CREB5: variants seen among roughly 807,000 people sequenced by gnomAD.
CREB5 encodes cyclic AMP-responsive element-binding protein 5.
In CREB5, 19 loss-of-function variants were observed where a neutral mutation model predicts 57.1. That is an observed-to-expected ratio of 0.33 (90% CI 0.23 to 0.49). The LOEUF is 0.49. CREB5 is among the 20% of genes least tolerant of loss of function. The probability of loss-of-function intolerance (pLI) is 0.99; values close to 1 mark genes in which losing one functional copy is unlikely to be tolerated. For missense variants in CREB5, 579 were observed against 671.6 expected, an observed-to-expected ratio of 0.86 and a Z score of 1.52; for synonymous variants, 238 against 238.3, an observed-to-expected ratio of 1.00 and a Z score of 0.01.
chr7:28,469,080 G>A (rs1291522086), intron 1 of CREB5, among the ~76,000 whole-genome samples: 2 of 152,158 alleles, frequency 1.3e-5, no homozygotes, highest in East Asian at 1.9e-4. Context: ...GTAGGGCCAG[G>A]CCTGCTGGCA....
At chr7:28,611,185 C>G (rs1331419835) in intron 5 of CREB5, among the ~76,000 whole-genome samples, 2 of 152,046 alleles carry the variant, frequency 1.3e-5, no homozygotes, top group Non-Finnish European at 2.9e-5. Context: ...AGTGAGGCAA[C>G]AGGTCTCCCC....
chr7:28,664,789 TG>T (rs1456804915), intron 5 of CREB5, among the ~76,000 whole-genome samples: 1 of 152,052 alleles, frequency 6.6e-6, no homozygotes, highest in African/African-American at 2.4e-5. Context: ...AGCCCTTTCA[TG>T]TGGAGAAGGG....
chr7:28,574,902 G>A (rs1349700451), intron 5 of CREB5, among the ~76,000 whole-genome samples: 1 of 152,082 alleles, frequency 6.6e-6, no homozygotes, highest in Non-Finnish European at 1.5e-5. Flanking sequence ...CGTAACTTAG[G>A]CATTTGGTTA....
intron 5 of CREB5, among the ~76,000 whole-genome samples, chr7:28,684,742 GA>G (rs5883162): frequency 6.6e-6 from 1 of 151,636 alleles, no homozygotes; most frequent in African/African-American, 2.4e-5. Context: ...TTTGGAAAAG[GA>G]AAAAAAAATT....
chr7:28,586,823 G>A (rs184200388), intron 5 of CREB5, among the ~76,000 whole-genome samples: 73 of 152,338 alleles, frequency 4.8e-4, no homozygotes, highest in African/African-American at 1.6e-3. Flanking sequence ...ACGTCCCAGC[G>A]TGGCCTCAGG....
chr7:28,516,384 A>C (rs1792955882), intron 4 of CREB5, among the ~76,000 whole-genome samples: 1 of 152,214 alleles, frequency 6.6e-6, no homozygotes, highest in South Asian at 2.1e-4. Flanking sequence ...ACACAGCCTC[A>C]TGCTGTATTT....
At chr7:28,775,569 C>T (rs1806580149) in intron 7 of CREB5, among the ~76,000 whole-genome samples, 4 of 85,770 alleles carry the variant, frequency 4.7e-5, no homozygotes, top group East Asian at 1.8e-3. Context: ...TATATATTAG[C>T]GTATTTTAGG....
intron 10 of CREB5, chr7:28,818,678 G>A: frequency 2.2e-6 from 1 of 446,938 alleles, no homozygotes; most frequent in Non-Finnish European, 4.4e-6. Context: ...AATGCCAGTT[G>A]GTTAAATGAT....
chr7:28,379,482 T>C (rs979892484), intron 1 of CREB5, among the ~76,000 whole-genome samples: 1 of 152,260 alleles, frequency 6.6e-6, no homozygotes, highest in African/African-American at 2.4e-5. Context: ...AAACATGTTC[T>C]CTTCTATCAG....
At chr7:28,386,412 C>T (rs147257179) in intron 1 of CREB5, among the ~76,000 whole-genome samples, 3 of 152,258 alleles carry the variant, frequency 2.0e-5, no homozygotes, top group Non-Finnish European at 4.4e-5. Flanking sequence ...TTTAACTATC[C>T]TTATTTTATA....
chr7:28,483,436 G>A (rs1442847804), intron 1 of CREB5, among the ~76,000 whole-genome samples: 1 of 152,142 alleles, frequency 6.6e-6, no homozygotes, highest in Non-Finnish European at 1.5e-5. Context: ...CACTTTATGT[G>A]CTATTAGGAT....
intron 7 of CREB5, among the ~76,000 whole-genome samples, chr7:28,731,752 C>T (rs1317382520): frequency 6.6e-6 from 1 of 152,128 alleles, no homozygotes; most frequent in African/African-American, 2.4e-5. Flanking sequence ...GTTATTGAAG[C>T]GAAGTACACA....
intron 1 of CREB5, among the ~76,000 whole-genome samples, chr7:28,322,849 C>T (rs911594002): frequency 6.6e-6 from 1 of 152,078 alleles, no homozygotes; most frequent in Non-Finnish European, 1.5e-5. Context: ...TCCAGTGTAT[C>T]CAAAATGAAT....
intron 5 of CREB5, among the ~76,000 whole-genome samples, chr7:28,712,369 A>C (rs1231127917): frequency 2.6e-5 from 4 of 151,616 alleles, no homozygotes; most frequent in Non-Finnish European, 5.9e-5. Context: ...TTACCCCGGC[A>C]TAGTGGCACA....
intron 4 of CREB5, among the ~76,000 whole-genome samples, chr7:28,547,405 A>T (rs160333): frequency 6.6e-6 from 1 of 152,132 alleles, no homozygotes; most frequent in African/African-American, 2.4e-5. Context: ...ATATGAATAG[A>T]AATCCAAAAA....
chr7:28,803,765 A>AC (rs1246116473), intron 7 of CREB5, among the ~76,000 whole-genome samples: 2 of 151,704 alleles, frequency 1.3e-5, no homozygotes, highest in Non-Finnish European at 2.9e-5. Context: ...CAAAAAAAAA[A>AC]AAAAAAAAAA....
chr7:28,551,428 A>C (rs900202544), intron 4 of CREB5, among the ~76,000 whole-genome samples: 8 of 152,082 alleles, frequency 5.3e-5, no homozygotes, highest in Non-Finnish European at 1.2e-4. Context: ...ATCCTTTCAC[A>C]AAACACACCT....
intron 4 of CREB5, among the ~76,000 whole-genome samples, chr7:28,555,410 T>C (rs891090778): frequency 6.6e-6 from 1 of 152,228 alleles, no homozygotes; most frequent in Non-Finnish European, 1.5e-5. Flanking sequence ...GCCCTGACCA[T>C]ACCTTTTATC....
chr7:28,704,452 GA>G (rs779591625), intron 5 of CREB5, among the ~76,000 whole-genome samples: 228 of 152,044 alleles, frequency 1.5e-3, no homozygotes, highest in Non-Finnish European at 1.8e-3. Flanking sequence ...TTGCTTCCCT[GA>G]AATAAATAAT....
Sources: allele counts gnomAD v4.1 joint callset (sites outside exome capture counted in the v4.1 genomes callset), GRCh38; gene constraint gnomAD v4.1.1; transcripts MANE v1.5; gene names NCBI Gene and HGNC (gene_info 2026-07-23, HGNC 2026-07-21).